EFCAB6: variants seen among roughly 807,000 people sequenced by gnomAD.
EFCAB6 encodes the protein EF-hand calcium binding domain 6.
A neutral mutation model predicts 169.8 loss-of-function variants in EFCAB6; 156 were observed. That is an observed-to-expected ratio of 0.92 (90% CI 0.81 to 1.05). The LOEUF (loss-of-function observed/expected upper bound fraction) is 1.05. Ranked by LOEUF, EFCAB6 falls within the 50% of genes least tolerant of loss-of-function variation. The pLI is 0.00. For missense variants in EFCAB6, 1,800 were observed against 1,829.1 expected (o/e 0.98, Z 0.29); for synonymous variants, 698 against 676.4 (o/e 1.03, Z -0.50).
At chr22:43,574,135 G>GA (rs375484782) in intron 26 of EFCAB6, among the ~76,000 whole-genome samples, 9,564 of 149,596 alleles carry the variant, frequency 0.064, 356 homozygotes, top group Admixed American at 0.098. Context: ...GCAAAAGCTG[G>GA]AAAAAAAAAA....
chr22:43,581,205 T>A (rs2050701116), intron 24 of EFCAB6, among the ~76,000 whole-genome samples: 1 of 151,896 alleles, frequency 6.6e-6, no homozygotes, highest in African/African-American at 2.4e-5. Context: ...GACTTAGAAA[T>A]TGCAGTGGGA....
chr22:43,675,086 C>T (rs1029133561), intron 13 of EFCAB6, among the ~76,000 whole-genome samples: 2 of 151,376 alleles, frequency 1.3e-5, no homozygotes, highest in Admixed American at 6.6e-5. Flanking sequence ...TTCCAACGCA[C>T]TGTCTAGCAA....
chr22:43,750,869 C>T lies in EFCAB6; in HGVS notation c.507+4897G>A, dbSNP rs568450781. 3.3e-5 allele frequency among the ~76,000 whole-genome samples: 5 copies of T among 152,346 alleles called. 1 individual carries two copies. The South Asian group carries it at 1.0e-3, about 32-fold the overall frequency. ...ATGAGGATATTACAGAGCAAGCCAG[C>T]AGCTCAGCAATTATAATTATTTACT... On this transcript the variant is annotated intron_variant, in intron 6 of 31. Transcript: ENST00000262726.
In EFCAB6 at chr22:43,772,966, T is replaced by A. The variant is rs1318028500; in HGVS notation, c.277A>T (p.Ser93Cys). 6.2e-7 allele frequency: 1 copy of A among 1,614,100 alleles called. No homozygotes were observed. Among genetic ancestry groups the A allele is most frequent in the East Asian group, 2.2e-5 (1 of 44,894 alleles). Reference sequence around the variant, plus strand: ...TCTGTGATGATTCTTCTCAGTTCACTTTTTGACACAGTCAAGTTCTGACCA... The same window carrying A: ...TCTGTGATGATTCTTCTCAGTTCACATTTTGACACAGTCAAGTTCTGACCA... The part of the protein sequence containing the change: ...DTGQNLTVSK[S>C]ELRRIITDFL... The change falls in exon 4 of 32, where the codon AGT (serine) becomes TGT (cysteine). Residue 93 changes from serine to cysteine, a missense_variant. Ser to Cys is a moderately radical substitution (Grantham distance 112). Transcript: ENST00000262726.
In EFCAB6 at chr22:43,590,105, T is replaced by C. The variant is rs1364327660; in HGVS notation, c.3001A>G (p.Thr1001Ala). Residue 1001 changes from threonine (T) to alanine (A), a missense_variant, in exon 24 of 32, where the codon ACC becomes GCC. Transcript: ENST00000262726. ...AGCAGATGGGTCAGCTCCCCTTCGG[T>C]AAGAGAACATCCACATTCTTCCAGC... Reference protein sequence around the residue: ...EVLEECGCSLTEGELTHLLNS... With the variant: ...EVLEECGCSLAEGELTHLLNS... 3.1e-6 allele frequency: 5 copies of C among 1,614,082 alleles called. No individual in the cohort carries two copies. The East Asian group carries it at 8.9e-5, about 29-fold the overall frequency.
At chr22:43,650,040 C>T (rs758777213) in intron 17 of EFCAB6, among the ~76,000 whole-genome samples, 2 of 152,190 alleles carry the variant, frequency 1.3e-5, no homozygotes, top group Non-Finnish European at 2.9e-5. Flanking sequence ...AATTCTTAAG[C>T]TGTGTGGGGC....
At chr22:43,529,774 C>T (rs577017837) in intron 31 of EFCAB6, among the ~76,000 whole-genome samples, 2 of 152,272 alleles carry the variant, frequency 1.3e-5, no homozygotes, top group East Asian at 3.9e-4. Flanking sequence ...ATTGTCCAGC[C>T]ACCACACCAG....
intron 2 of EFCAB6, among the ~76,000 whole-genome samples, chr22:43,793,408 T>G (rs2062381917): frequency 6.6e-6 from 1 of 152,200 alleles, no homozygotes; most frequent in Admixed American, 6.5e-5. Context: ...TATTGGGTGT[T>G]CTACCTAAAC....
intron 2 of EFCAB6, among the ~76,000 whole-genome samples, chr22:43,784,712 CACACACATAT>C (rs1569488159): frequency 1.5e-5 from 2 of 131,594 alleles, no homozygotes; most frequent in African/African-American, 5.6e-5. Context: ...CACACACACA[CACACACATAT>C]ATATATATGC....
At chr22:43,606,265 C>G (rs1316532468) in intron 22 of EFCAB6, among the ~76,000 whole-genome samples, 1 of 152,204 alleles carries the variant, frequency 6.6e-6, no homozygotes, top group Non-Finnish European at 1.5e-5. Context: ...GAGGTCCTGA[C>G]AGGGATACAG....
chr22:43,713,167 A>C (rs989097401), intron 9 of EFCAB6, among the ~76,000 whole-genome samples: 1 of 152,170 alleles, frequency 6.6e-6, no homozygotes, highest in African/African-American at 2.4e-5. Flanking sequence ...ACCACTAAAA[A>C]AAAATTGTAT....
intron 15 of EFCAB6, among the ~76,000 whole-genome samples, chr22:43,670,497 A>T (rs1226939376): frequency 6.6e-6 from 1 of 152,230 alleles, no homozygotes; most frequent in African/African-American, 2.4e-5. Flanking sequence ...ACTGGGGCTG[A>T]CATGCTCTGT....
At chr22:43,725,130 C>A (rs1158707159) in intron 8 of EFCAB6, among the ~76,000 whole-genome samples, 3 of 136,846 alleles carry the variant, frequency 2.2e-5, no homozygotes, top group Admixed American at 7.9e-5. Context: ...GAGAGCCAAA[C>A]TGGCTTTTTT....
intron 2 of EFCAB6, among the ~76,000 whole-genome samples, chr22:43,788,173 AATG>A (rs1293800743): frequency 6.6e-6 from 1 of 152,196 alleles, no homozygotes; most frequent in Non-Finnish European, 1.5e-5. Flanking sequence ...TGGATTAGAC[AATG>A]ATATCTTAGA....
chr22:43,579,540 G>GTACACGCAGGCATCATTCCC (rs1602391713), intron 25 of EFCAB6, among the ~76,000 whole-genome samples: 175 of 50,162 alleles, frequency 3.5e-3, no homozygotes, highest in Admixed American at 4.7e-3. Flanking sequence ...GCATCATTCC[G>GTACACGCAGGCATCATTCCC]TACACGCAGG....
At chr22:43,752,729 C>G (rs1420535819) in intron 6 of EFCAB6, among the ~76,000 whole-genome samples, 2 of 152,138 alleles carry the variant, frequency 1.3e-5, no homozygotes, top group Non-Finnish European at 2.9e-5. Context: ...TCCTGGTAAC[C>G]AGGAAGAGAG....
intron 5 of EFCAB6, among the ~76,000 whole-genome samples, chr22:43,757,280 G>C (rs933692353): frequency 2.6e-5 from 4 of 152,230 alleles, no homozygotes; most frequent in African/African-American, 9.6e-5. Context: ...AAGCATGGTG[G>C]CTCACGCCTG....
intron 7 of EFCAB6, 42 bp from the exon 8 acceptor site, chr22:43,731,853 T>C: frequency 7.6e-7 from 1 of 1,315,166 alleles, no homozygotes; most frequent in Non-Finnish European, 1.0e-6. Context: ...ATTATGAATC[T>C]AAAATGAAGC....
Position 43,744,050 on chromosome 22 carries a change from T to C in EFCAB6, c.508-8057A>G, listed in dbSNP as rs1056613360. 5.9e-5 allele frequency among the ~76,000 whole-genome samples: 9 copies of C among 151,578 alleles called. No individual in the cohort carries two copies. The highest frequency in any genetic ancestry group is 2.1e-4 in the South Asian group (1 of 4,792). ...AATGAATGAATGAATGAATGGGTTA[T>C]GGATGCATGGATGGATGAACGGATG... On this transcript the variant is annotated intron_variant, in intron 6 of 31. Coordinates refer to ENST00000262726, the MANE Select transcript of EFCAB6 (RefSeq NM_022785.4). This position sits in a 1 kb window ranked among gnomAD's most constrained non-coding sequence, Gnocchi z 4.3.
Sources: gnomAD v4.1 joint callset for allele counts (sites outside exome capture counted in the v4.1 genomes callset) on GRCh38, gnomAD v4.1.1 for gene constraint, Gnocchi (gnomAD v3.1) non-coding constraint, MANE v1.5 for transcripts, NCBI Gene and HGNC (gene_info 2026-07-23, HGNC 2026-07-21) for gene names.